The following ORC2 variants were observed in gnomAD, a reference collection of about 807,000 sequenced individuals.
The protein encoded by ORC2 is origin recognition complex subunit 2.
ORC2 carries 37 observed loss-of-function variants against 77.7 expected under a neutral mutation model. The observed-to-expected ratio is 0.48, with a 90% confidence interval of 0.37 to 0.63. The LOEUF (loss-of-function observed/expected upper bound fraction) is 0.63, where lower values mean the gene tolerates loss of function less well. Among genes scored for constraint, ORC2 ranks in the 20% least tolerant of loss-of-function variants. The pLI is 0.00. For synonymous variants in ORC2, 201 were observed against 229.5 expected (o/e 0.88, Z 1.12); for missense variants, 557 against 661.9 (o/e 0.84, Z 1.74).
chr2:200,932,350 T>G (rs918868735), intron 10 of ORC2, among the ~76,000 whole-genome samples: 4 of 148,178 alleles, frequency 2.7e-5, no homozygotes, highest in Admixed American at 2.0e-4. Context: ...TTTTTTTTTT[T>G]TTTTTTTGAG....
At chr2:200,948,136 ATCT>A (rs889417039) in intron 5 of ORC2, among the ~76,000 whole-genome samples, 1 of 151,302 alleles carries the variant, frequency 6.6e-6, no homozygotes, top group African/African-American at 2.4e-5. Flanking sequence ...GATGGTCTCG[ATCT>A]TCTGACCTTG....
chr2:200,922,050 C>A (rs1174845825), intron 13 of ORC2, among the ~76,000 whole-genome samples: 1 of 148,342 alleles, frequency 6.7e-6, no homozygotes, highest in South Asian at 2.1e-4. Flanking sequence ...ACCAAAAAAA[C>A]CAAAGGATTT....
Position 200,911,137 on chromosome 2 carries a change from G to A in ORC2, c.*164C>T, listed in dbSNP as rs966125896. ...CATAGTACTAGACGGTACCAGCCAGGCTGATCAAAAAGTTCTAATTGAGGA... is the reference window on the plus strand; with the variant it reads ...CATAGTACTAGACGGTACCAGCCAGACTGATCAAAAAGTTCTAATTGAGGA... On this transcript the variant is annotated 3_prime_UTR_variant, in exon 18 of 18. Coordinates refer to ENST00000234296, the MANE Select transcript of ORC2 (RefSeq NM_006190.5). 6.8e-6 allele frequency: 4 copies of A among 589,264 alleles called. 1 individual carries two copies. Among genetic ancestry groups the A allele is most frequent in the South Asian group, 6.0e-5 (3 of 50,292 alleles). 36.5% of individuals were successfully genotyped at this position (589,264 alleles called of 1,614,324 possible).
chr2:200,929,476 G>A (rs1473119191), intron 11 of ORC2, among the ~76,000 whole-genome samples: 1 of 152,098 alleles, frequency 6.6e-6, no homozygotes, highest in East Asian at 1.9e-4. Flanking sequence ...TAGATGTGGA[G>A]AGTGAGGAAA....
At chr2:200,924,028 C>T (rs562407865) in intron 13 of ORC2, among the ~76,000 whole-genome samples, 1 of 152,124 alleles carries the variant, frequency 6.6e-6, no homozygotes. Context: ...ATCAACTCTA[C>T]CTGTTTTCAA....
chr2:200,930,576 C>G (rs2040922784), intron 11 of ORC2, among the ~76,000 whole-genome samples: 1 of 151,052 alleles, frequency 6.6e-6, no homozygotes, highest in South Asian at 2.1e-4. Flanking sequence ...CCTGCCTTGG[C>G]CTCCCAAAGC....
At chr2:200,951,621 G>C (rs2041358701) in intron 4 of ORC2, among the ~76,000 whole-genome samples, 1 of 152,074 alleles carries the variant, frequency 6.6e-6, no homozygotes, top group African/African-American at 2.4e-5. Flanking sequence ...ATGATATTGA[G>C]CATATTTTCA....
intron 4 of ORC2, among the ~76,000 whole-genome samples, chr2:200,956,985 G>C (rs2041477942): frequency 6.6e-6 from 1 of 152,008 alleles, no homozygotes; most frequent in African/African-American, 2.4e-5. Context: ...ACACAGGGAG[G>C]GGAACAACAT....
At chr2:200,942,882 T>G in intron 5 of ORC2, 105 bp from the exon 6 acceptor site, 1 of 555,558 alleles carries the variant, frequency 1.8e-6, no homozygotes, top group African/African-American at 1.9e-5. Flanking sequence ...CTCTGTTACT[T>G]TTATCAGAAA....
intron 8 of ORC2, 57 bp from the exon 9 acceptor site, chr2:200,935,949 G>T (rs1575168120): frequency 6.8e-7 from 1 of 1,481,462 alleles, no homozygotes; most frequent in East Asian, 2.3e-5. Context: ...GAGAGGCATT[G>T]TGGGGTAAAG....
At chr2:200,933,030 T>G (rs2040970258) in intron 10 of ORC2, among the ~76,000 whole-genome samples, 1 of 152,222 alleles carries the variant, frequency 6.6e-6, no homozygotes, top group South Asian at 2.1e-4. Flanking sequence ...CCTCTAAGTC[T>G]GATGAAGTCC....
At chr2:200,941,847 C>T (rs942829026) in intron 6 of ORC2, among the ~76,000 whole-genome samples, 4 of 151,970 alleles carry the variant, frequency 2.6e-5, no homozygotes, top group African/African-American at 9.7e-5. Context: ...ATTAGCTGGG[C>T]ATGTTGGCAG....
At chr2:200,923,540 G>A (rs957655390) in intron 13 of ORC2, among the ~76,000 whole-genome samples, 19 of 151,996 alleles carry the variant, frequency 1.3e-4, no homozygotes, top group African/African-American at 1.4e-4. Context: ...GTGAGCCACC[G>A]CATCCGGCTT....
intron 11 of ORC2, among the ~76,000 whole-genome samples, chr2:200,927,758 C>T (rs1443924990): frequency 6.6e-6 from 1 of 151,020 alleles, no homozygotes; most frequent in Non-Finnish European, 1.5e-5. Context: ...AGTGTAGTGG[C>T]ACCATCATAG....
At chr2:200,912,998 CA>C (rs2040577553) in intron 17 of ORC2, among the ~76,000 whole-genome samples, 1 of 152,052 alleles carries the variant, frequency 6.6e-6, no homozygotes, top group Non-Finnish European at 1.5e-5. Flanking sequence ...AAATACAGAC[CA>C]AATTAATGAA....
At chr2:200,953,073 A>C in intron 4 of ORC2, among the ~76,000 whole-genome samples, 1 of 148,648 alleles carries the variant, frequency 6.7e-6, no homozygotes. Flanking sequence ...TGATTGTGCC[A>C]CTGCACTCCA....
At chr2:200,919,877 A>G (rs2040726302) in intron 15 of ORC2, among the ~76,000 whole-genome samples, 3 of 152,230 alleles carry the variant, frequency 2.0e-5, no homozygotes, top group African/African-American at 4.8e-5. Flanking sequence ...CATATAAAGT[A>G]CTCACTGTTT....
In ORC2 at chr2:200,911,090, T is replaced by G. The variant is rs1007520728; in HGVS notation, c.*211A>C. 4.7e-6 allele frequency: 2 copies of G among 429,294 alleles called. No homozygotes were observed. The highest frequency in any genetic ancestry group is 3.9e-5 in the African/African-American group (2 of 50,884). 26.6% of individuals were successfully genotyped at this position (429,294 alleles called of 1,614,324 possible). A position where few individuals can be genotyped will look rare whatever the true frequency, so the allele number is the denominator to read the frequency against. On this transcript the variant is annotated 3_prime_UTR_variant, in exon 18 of 18. Transcript: ENST00000234296. ...AGAGGTAATGAATGAAAGGCACATT[T>G]TCTCCAACTTGAGGACCGCTGCATA...
intron 5 of ORC2, among the ~76,000 whole-genome samples, chr2:200,947,850 T>C (rs2041277669): frequency 6.6e-6 from 1 of 152,002 alleles, no homozygotes; most frequent in Non-Finnish European, 1.5e-5. Flanking sequence ...ATCCTCCTGC[T>C]TCAGCCTCCC....
Sources: allele counts gnomAD v4.1 joint callset (sites outside exome capture counted in the v4.1 genomes callset), GRCh38; gene constraint gnomAD v4.1.1; transcripts MANE v1.5; gene names NCBI Gene and HGNC (gene_info 2026-07-23, HGNC 2026-07-21).